Variants in USH2A observed in about 807,000 individuals in gnomAD.
USH2A encodes Usher syndrome 2A (autosomal recessive, mild).
A neutral mutation model predicts 538.9 loss-of-function variants in USH2A; 443 were observed. The ratio of observed to expected loss-of-function variants is 0.82; its 90% CI spans 0.76 to 0.89. USH2A has a LOEUF of 0.89. USH2A is among the 40% of genes least tolerant of loss of function. USH2A has a pLI of 0.00. For synonymous variants in USH2A, 2,413 were observed against 2,273.5 expected (o/e 1.06, Z -1.75); for missense variants, 6,633 against 6,324.8 (o/e 1.05, Z -1.65).
At chr1:216,023,602 A>G (rs1228511142) in intron 32 of USH2A, among the ~76,000 whole-genome samples, 3 of 151,828 alleles carry the variant, frequency 2.0e-5, no homozygotes, top group Non-Finnish European at 2.9e-5. Flanking sequence ...TTTTATAAAA[A>G]TTAGGAAATA....
chr1:215,744,154 A>G (rs1660398528), intron 58 of USH2A, among the ~76,000 whole-genome samples: 1 of 152,204 alleles, frequency 6.6e-6, no homozygotes, highest in African/African-American at 2.4e-5. Flanking sequence ...CCTGTCTGAC[A>G]TGGATCCTTG....
intron 49 of USH2A, among the ~76,000 whole-genome samples, chr1:215,813,518 G>A (rs976840747): frequency 6.6e-6 from 1 of 152,184 alleles, no homozygotes; most frequent in Non-Finnish European, 1.5e-5. Flanking sequence ...AGTAGATATT[G>A]TAAATTCCTT....
chr1:215,973,940 TCACACACA>T (rs140368318), intron 35 of USH2A, among the ~76,000 whole-genome samples: 4 of 146,284 alleles, frequency 2.7e-5, no homozygotes, highest in African/African-American at 7.6e-5. Flanking sequence ...ATAGGTGAGA[TCACACACA>T]CACACACACA....
intron 41 of USH2A, among the ~76,000 whole-genome samples, chr1:215,883,351 T>C (rs1664966745): frequency 6.6e-6 from 1 of 152,104 alleles, no homozygotes; most frequent in Non-Finnish European, 1.5e-5. Context: ...ATCTTTTGGA[T>C]GTTAACTTTT....
intron 11 of USH2A, among the ~76,000 whole-genome samples, chr1:216,258,969 C>T (rs556582528): frequency 6.6e-6 from 1 of 152,200 alleles, no homozygotes; most frequent in South Asian, 2.1e-4. Context: ...AACATAGCTC[C>T]AAGCTCTCAA....
chr1:216,304,893 T>C (rs1046031206), intron 9 of USH2A, among the ~76,000 whole-genome samples: 6 of 152,110 alleles, frequency 3.9e-5, no homozygotes, highest in African/African-American at 1.4e-4. Context: ...CTTGATATAA[T>C]TTCAGTTTTC....
At chr1:216,076,751 C>T (rs568212714) in intron 27 of USH2A, among the ~76,000 whole-genome samples, 1 of 152,130 alleles carries the variant, frequency 6.6e-6, no homozygotes. Flanking sequence ...TAAGAGCTTG[C>T]CATATATTTT....
intron 64 of USH2A, among the ~76,000 whole-genome samples, chr1:215,655,882 C>T (rs1315479164): frequency 6.6e-6 from 1 of 151,848 alleles, no homozygotes; most frequent in Admixed American, 6.6e-5. Flanking sequence ...ACTACAGGTG[C>T]CTGCCACCAC....
chr1:215,732,247 GACTT>G (rs1311765891), intron 60 of USH2A, among the ~76,000 whole-genome samples: 1 of 152,168 alleles, frequency 6.6e-6, no homozygotes, highest in Non-Finnish European at 1.5e-5. Context: ...TGTGAGTAGA[GACTT>G]GGCTGTTGAG....
At chr1:215,627,976 A>G (rs1656121388) in intron 71 of USH2A, among the ~76,000 whole-genome samples, 1 of 152,198 alleles carries the variant, frequency 6.6e-6, no homozygotes, top group African/African-American at 2.4e-5. Context: ...ATGTTATATC[A>G]CGAAGAGGTT....
In USH2A at chr1:215,759,735, C is replaced by A. The variant is rs527236139; in HGVS notation, c.11156G>T (p.Arg3719Leu). 3 of 1,614,030 alleles carry A rather than the reference C, an allele frequency of 1.9e-6. No homozygotes were observed. In the South Asian group the frequency reaches 3.3e-5, roughly 18 times the overall value. Residue 3719 changes from arginine (R) to leucine (L), a missense_variant, in exon 57 of 72, where the codon CGT becomes CTT. Transcript: ENST00000307340. ...NGLVSQYQLS[R>L]NGNLLFLGGS... The stretch of plus-strand genomic sequence containing the variant: ...ACCCAGGAAAAGCAAGTTTCCATTA[C>A]GACTCAATTGATATTGAGAAACGAG...
At chr1:216,046,319 T>G in intron 32 of USH2A, 112 bp downstream of exon 32, 1 of 1,163,342 alleles carries the variant, frequency 8.6e-7, no homozygotes, top group Non-Finnish European at 1.3e-6. Flanking sequence ...TTCCTAAGCA[T>G]TCTTGATTAA....
At chr1:216,059,937 TCTTA>T (rs1167170851) in intron 30 of USH2A, among the ~76,000 whole-genome samples, 2 of 152,196 alleles carry the variant, frequency 1.3e-5, no homozygotes, top group African/African-American at 4.8e-5. Flanking sequence ...GATCCCCAAT[TCTTA>T]CTTTCTTTCT....
At chr1:215,633,315 G>A (rs1656368037) in intron 70 of USH2A, among the ~76,000 whole-genome samples, 1 of 152,076 alleles carries the variant, frequency 6.6e-6, no homozygotes, top group African/African-American at 2.4e-5. Context: ...TGATGGTGTT[G>A]GGCAGTGCCT....
intron 40 of USH2A, among the ~76,000 whole-genome samples, chr1:215,894,802 C>A (rs921453446): frequency 5.9e-5 from 9 of 152,170 alleles, no homozygotes; most frequent in African/African-American, 2.2e-4. Context: ...GAACGACCGA[C>A]AGGACAACCT....
chr1:216,126,231 T>C lies in USH2A; in HGVS notation c.4628-29018A>G, dbSNP rs1320823035. ...TTTTTTTGTTGTTGTTGTTTTGTTTTTGTTTTTTTTGAGATGAGGTCTTGC... is the reference window on the plus strand; with the variant it reads ...TTTTTTTGTTGTTGTTGTTTTGTTTCTGTTTTTTTTGAGATGAGGTCTTGC... On this transcript the variant is annotated intron_variant, in intron 21 of 71. Coordinates refer to ENST00000307340, the MANE Select transcript of USH2A (RefSeq NM_206933.4). 6.6e-5 allele frequency among the ~76,000 whole-genome samples: 10 copies of C among 151,970 alleles called. No individual in the cohort carries two copies. The East Asian group carries it at 7.8e-4, about 12-fold the overall frequency.
Position 215,998,814 on chromosome 1 carries a change from A to T in USH2A, c.6657+73T>A. On this transcript the variant is annotated intron_variant, in intron 34 of 71. Coordinates refer to ENST00000307340, the MANE Select transcript of USH2A (RefSeq NM_206933.4). ...TTTTTTTTTTAAGTGAGAGAGAAAG[A>T]AAAGATGGACCACGGGAAGGGGAGA... The T allele has an allele frequency of 4.6e-6, 7 of 1,537,216 alleles. No individual in the cohort carries two copies. The South Asian group carries it at 8.0e-5, about 17-fold the overall frequency.
intron 21 of USH2A, among the ~76,000 whole-genome samples, chr1:216,146,757 C>T (rs942879220): frequency 2.0e-5 from 3 of 152,182 alleles, no homozygotes; most frequent in South Asian, 4.1e-4. Flanking sequence ...TCCCCTCCTC[C>T]GTGTCTCTAT....
At chr1:215,705,308 T>C (rs992398499) in intron 61 of USH2A, among the ~76,000 whole-genome samples, 47 of 152,360 alleles carry the variant, frequency 3.1e-4, no homozygotes, top group African/African-American at 1.1e-3. Context: ...ACTGTTTCTG[T>C]GCCTTTTGTG....
Sources: gnomAD v4.1 joint callset for allele counts (sites outside exome capture counted in the v4.1 genomes callset) on GRCh38, gnomAD v4.1.1 for gene constraint, MANE v1.5 for transcripts, NCBI Gene and HGNC (gene_info 2026-07-23, HGNC 2026-07-21) for gene names.